SCD5: variants seen among roughly 807,000 people sequenced by gnomAD.
The protein encoded by SCD5 is acyl-CoA-desaturase 4.
SCD5 carries 20 observed loss-of-function variants against 30.4 expected under a neutral mutation model. The ratio of observed to expected loss-of-function variants is 0.66; its 90% CI spans 0.46 to 0.96. The LOEUF is 0.96. Ranked by LOEUF, SCD5 falls within the 40% of genes least tolerant of loss-of-function variation. The pLI, the probability that SCD5 is intolerant of heterozygous loss-of-function variation, is 0.00. For missense variants in SCD5, 381 were observed against 443.3 expected, an observed-to-expected ratio of 0.86 and a Z score of 1.26; for synonymous variants, 173 against 176.4, an observed-to-expected ratio of 0.98 and a Z score of 0.16.
chr4:82,656,588 T>C (rs1287217297), intron 3 of SCD5, among the ~76,000 whole-genome samples: 1 of 152,258 alleles, frequency 6.6e-6, no homozygotes, highest in Non-Finnish European at 1.5e-5. Context: ...TATAGTAGAA[T>C]GATTTATAAT....
chr4:82,664,999 C>CTCTCTCTATATATATA (rs1219554314), intron 3 of SCD5, among the ~76,000 whole-genome samples: 52 of 70,466 alleles, frequency 7.4e-4, no homozygotes, highest in South Asian at 2.2e-3. Context: ...CTCTCTCTCT[C>CTCTCTCTATATATATA]TATATATATA....
At chr4:82,705,516 A>AG (rs1333231881) in intron 1 of SCD5, 103 bp from the exon 2 acceptor site, 2 of 1,452,394 alleles carry the variant, frequency 1.4e-6, no homozygotes, top group Non-Finnish European at 1.9e-6. Flanking sequence ...AAATGGTGTC[A>AG]GGGGGGAAAG....
chr4:82,708,759 T>C (rs979056459), intron 1 of SCD5, among the ~76,000 whole-genome samples: 3 of 152,158 alleles, frequency 2.0e-5, no homozygotes, highest in Non-Finnish European at 2.9e-5. Context: ...AAGCAAAAGT[T>C]AAAACTCCCT....
At chr4:82,775,185 G>A (rs1344543214) in intron 1 of SCD5, among the ~76,000 whole-genome samples, 1 of 152,194 alleles carries the variant, frequency 6.6e-6, no homozygotes, top group Non-Finnish European at 1.5e-5. Flanking sequence ...TGGTCAGGAT[G>A]AGTTTGTGGA....
chr4:82,728,952 C>A (rs939707986), intron 1 of SCD5, among the ~76,000 whole-genome samples: 1 of 152,132 alleles, frequency 6.6e-6, no homozygotes, highest in African/African-American at 2.4e-5. Context: ...CTGAAGGAGT[C>A]TGGAGGGCTG....
At chr4:82,711,705 TAAA>T (rs58582191) in intron 1 of SCD5, among the ~76,000 whole-genome samples, 57,761 of 146,244 alleles carry the variant, frequency 0.39, 11,590 homozygotes, top group Middle Eastern at 0.52. Context: ...GACCTTGTCT[TAAA>T]AAAAAAAAAA....
At chr4:82,708,189 T>C in intron 1 of SCD5, among the ~76,000 whole-genome samples, 1 of 152,170 alleles carries the variant, frequency 6.6e-6, no homozygotes, top group South Asian at 2.1e-4. Context: ...GCAAATATAC[T>C]AAAAACAAAT....
At chr4:82,727,960 G>A (rs982336399) in intron 1 of SCD5, among the ~76,000 whole-genome samples, 1 of 151,942 alleles carries the variant, frequency 6.6e-6, no homozygotes, top group East Asian at 1.9e-4. Context: ...TGCCCGCCTC[G>A]GCCCTCCCAA....
At position 82,764,095 on chromosome 4, in the gene SCD5, A is replaced by T. The variant is rs531858575; in HGVS notation, c.232+34211T>A. The stretch of plus-strand genomic sequence containing the variant: ...GCCTCACTTTTTAAACCAATCTGAC[A>T]ATCTCTGCCTTTTAACTGGGGTATT... On this transcript the variant is annotated intron_variant, in intron 1 of 4. Coordinates refer to ENST00000319540, the MANE Select transcript of SCD5 (RefSeq NM_001037582.3). Among the ~76,000 whole-genome samples, 4 of 152,302 alleles carry T rather than the reference A, an allele frequency of 2.6e-5. No homozygotes were observed. In the East Asian group the frequency reaches 7.7e-4, roughly 29 times the overall value.
At chr4:82,794,537 A>C (rs1473177270) in intron 1 of SCD5, among the ~76,000 whole-genome samples, 1 of 152,118 alleles carries the variant, frequency 6.6e-6, no homozygotes, top group Non-Finnish European at 1.5e-5. Context: ...CCATCTTGGG[A>C]TTCAGGGCAT....
intron 3 of SCD5, among the ~76,000 whole-genome samples, chr4:82,646,148 G>A (rs1391409748): frequency 2.0e-5 from 3 of 152,324 alleles, no homozygotes; most frequent in South Asian, 4.1e-4. Flanking sequence ...AATGATGAGT[G>A]ATGAGCTGTT....
chr4:82,796,374 G>T (rs1384822051), intron 1 of SCD5, among the ~76,000 whole-genome samples: 1 of 152,128 alleles, frequency 6.6e-6, no homozygotes, highest in Non-Finnish European at 1.5e-5. Context: ...GGGGAAACCA[G>T]ATTCCTTCAG....
chr4:82,750,135 C>T (rs146195033), intron 1 of SCD5, among the ~76,000 whole-genome samples: 35 of 152,302 alleles, frequency 2.3e-4, no homozygotes, highest in African/African-American at 6.7e-4. Context: ...CTCAATGGAT[C>T]GCACACAGTC....
chr4:82,663,936 C>T (rs986968685), intron 3 of SCD5, among the ~76,000 whole-genome samples: 1 of 152,198 alleles, frequency 6.6e-6, no homozygotes, highest in Non-Finnish European at 1.5e-5. Flanking sequence ...TGCAGGAATG[C>T]TAAGAAACCC....
chr4:82,792,512 C>T (rs921394961), intron 1 of SCD5, among the ~76,000 whole-genome samples: 2 of 152,180 alleles, frequency 1.3e-5, no homozygotes, highest in Non-Finnish European at 2.9e-5. Flanking sequence ...GAGTTCAAGA[C>T]CAGCCCTGGC....
At chr4:82,685,214 G>A (rs953200926) in intron 2 of SCD5, among the ~76,000 whole-genome samples, 2 of 152,288 alleles carry the variant, frequency 1.3e-5, no homozygotes, top group Admixed American at 6.5e-5. Flanking sequence ...GTGGGCGAGC[G>A]AGAGAGGAGT....
At chr4:82,672,228 A>G (rs938066811) in intron 3 of SCD5, among the ~76,000 whole-genome samples, 2 of 152,138 alleles carry the variant, frequency 1.3e-5, no homozygotes, top group African/African-American at 4.8e-5. Context: ...GAAATTATGA[A>G]CAGGAAATCA....
chr4:82,760,310 C>A (rs1721336033), intron 1 of SCD5, among the ~76,000 whole-genome samples: 1 of 152,118 alleles, frequency 6.6e-6, no homozygotes, highest in African/African-American at 2.4e-5. Context: ...TTCTCCTTTC[C>A]CCTGAATAAG....
chr4:82,732,454 G>A (rs1720664189), intron 1 of SCD5, among the ~76,000 whole-genome samples: 1 of 152,172 alleles, frequency 6.6e-6, no homozygotes, highest in African/African-American at 2.4e-5. Context: ...GTGTGTTTCT[G>A]TGCATACTAC....
Sources: allele counts gnomAD v4.1 joint callset (sites outside exome capture counted in the v4.1 genomes callset), GRCh38; gene constraint gnomAD v4.1.1; transcripts MANE v1.5; gene names NCBI Gene and HGNC (gene_info 2026-07-23, HGNC 2026-07-21).